Variants in GLYR1 observed in about 807,000 individuals in gnomAD.
The protein encoded by GLYR1 is cytokine-like nuclear factor N-PAC.
A neutral mutation model predicts 72.7 loss-of-function variants in GLYR1; 21 were observed. The ratio of observed to expected loss-of-function variants is 0.29; its 90% CI spans 0.20 to 0.42. The LOEUF (loss-of-function observed/expected upper bound fraction) is 0.42. GLYR1 is among the 10% of genes least tolerant of loss of function. The pLI is 1.00. For missense variants in GLYR1, 594 were observed against 712.1 expected (o/e 0.83, Z 1.89); for synonymous variants, 392 against 270.2 (o/e 1.45, Z -4.42).
intron 15 of GLYR1, among the ~76,000 whole-genome samples, chr16:4,806,083 G>A (rs1351182424): frequency 2.0e-5 from 3 of 152,238 alleles, no homozygotes; most frequent in East Asian, 1.9e-4. Flanking sequence ...CTCAGAGTGA[G>A]AGTTCTCACA....
intron 15 of GLYR1, among the ~76,000 whole-genome samples, chr16:4,809,701 A>G (rs2083216211): frequency 6.6e-6 from 1 of 151,692 alleles, no homozygotes. Context: ...AGGTGGACGG[A>G]TCACCTGAGG....
Position 4,805,085 on chromosome 16 carries a change from TG to T in GLYR1, c.*150del. On this transcript the variant is annotated 3_prime_UTR_variant, in exon 16 of 16. Coordinates refer to ENST00000321919, the MANE Select transcript of GLYR1 (RefSeq NM_032569.4). ...CGGCCTCAGGGGAAGGGTGCTGCTG[TG>T]TGCTGTGCTGATGGCAAGTCTCAAA... 1.5e-6 allele frequency: 1 copy of T among 681,760 alleles called. No individual in the cohort carries two copies. The highest frequency in any genetic ancestry group is 1.6e-5 in the South Asian group (1 of 61,340). The allele number at this position is 681,760 out of a possible 1,614,324, so 42.2% of individuals were successfully genotyped here. A position where few individuals can be genotyped will look rare whatever the true frequency, so the allele number is the denominator to read the frequency against.
At chr16:4,807,432 G>A (rs1330391905) in intron 15 of GLYR1, among the ~76,000 whole-genome samples, 1 of 152,010 alleles carries the variant, frequency 6.6e-6, no homozygotes, top group African/African-American at 2.4e-5. Context: ...ATTCTAAAAA[G>A]AAAGTAAGAA....
At position 4,845,662 on chromosome 16, in the gene GLYR1, C is replaced by T. The variant is rs571301384; in HGVS notation, c.76-509G>A. On this transcript the variant is annotated intron_variant, in intron 2 of 15. Coordinates refer to ENST00000321919, the MANE Select transcript of GLYR1 (RefSeq NM_032569.4). The stretch of plus-strand genomic sequence containing the variant: ...AAAGAGACCATCTAAAGACACCTCC[C>T]GGGCTCCAAGCAAGAATATAAAAAC... Among the ~76,000 whole-genome samples, 199 of 152,200 alleles carry T rather than the reference C, an allele frequency of 1.3e-3. 8 individuals carry two copies. In the South Asian group the frequency reaches 0.039, roughly 30 times the overall value.
intron 5 of GLYR1, among the ~76,000 whole-genome samples, chr16:4,828,543 C>G (rs1466665823): frequency 6.6e-6 from 1 of 152,044 alleles, no homozygotes; most frequent in African/African-American, 2.4e-5. Context: ...ATTAATAATT[C>G]AGACCCAAGG....
rs751971693 is a variant in GLYR1 at position 4,821,367 on chromosome 16, T to C, written c.806+13A>G. On this transcript the variant is annotated intron_variant, in intron 9 of 15. Coordinates refer to ENST00000321919, the MANE Select transcript of GLYR1 (RefSeq NM_032569.4). ...ACCAGAGCCACTGGAGGCCTTTTCA[T>C]CAAAGGTCCTACTTTTTGTCTGTGG... is the stretch of plus-strand genomic sequence containing the variant. 1.2e-6 allele frequency: 2 copies of C among 1,612,438 alleles called. No homozygotes were observed. Among genetic ancestry groups the C allele is most frequent in the East Asian group, 4.5e-5 (2 of 44,884 alleles).
In GLYR1 at chr16:4,827,250, G is replaced by A. The variant is rs143913906; in HGVS notation, c.538-3343C>T. Among the ~76,000 whole-genome samples the A allele has an allele frequency of 3.5e-4, 53 of 152,324 alleles. No individual in the cohort carries two copies. In the East Asian group the frequency reaches 9.8e-3, roughly 28 times the overall value. On this transcript the variant is annotated intron_variant, in intron 5 of 15. Coordinates refer to ENST00000321919, the MANE Select transcript of GLYR1 (RefSeq NM_032569.4). Reference sequence around the variant, plus strand: ...TGCTCAGTGTTTCTGAGAGGAGCTCGCCAGCCAAATGACAATTACTATAGC... The same window carrying A: ...TGCTCAGTGTTTCTGAGAGGAGCTCACCAGCCAAATGACAATTACTATAGC...
intron 4 of GLYR1, 102 bp from the exon 5 acceptor site, chr16:4,832,323 G>C: frequency 2.8e-6 from 4 of 1,407,366 alleles, no homozygotes; most frequent in Non-Finnish European, 2.0e-6. Flanking sequence ...ACTCTGTGTG[G>C]TCTCCTCACA....
chr16:4,833,446 A>G (rs1055537189), intron 3 of GLYR1, among the ~76,000 whole-genome samples: 4 of 152,174 alleles, frequency 2.6e-5, no homozygotes, highest in African/African-American at 9.7e-5. Context: ...GATGTTACAG[A>G]GCTGAAGAAA....
intron 9 of GLYR1, chr16:4,817,921 T>C (rs2083752771): frequency 2.0e-6 from 1 of 511,878 alleles, no homozygotes; most frequent in Non-Finnish European, 3.5e-6. Context: ...ACAGGCATTT[T>C]GAAACCCCTG....
Position 4,832,921 on chromosome 16 carries a change from A to T in GLYR1, c.156-9T>A. The T allele has an allele frequency of 6.2e-7, 1 of 1,607,490 alleles. No individual in the cohort carries two copies. On this transcript the variant is annotated splice_polypyrimidine_tract_variant and intron_variant, in intron 3 of 15. Coordinates refer to ENST00000321919, the MANE Select transcript of GLYR1 (RefSeq NM_032569.4). Reference sequence around the variant, plus strand: ...CCACTTTGATCCAGGCACTAGCAGAAAACAAACACAAAAAGGGTGTGAACC... The same window carrying T: ...CCACTTTGATCCAGGCACTAGCAGATAACAAACACAAAAAGGGTGTGAACC...
intron 10 of GLYR1, 62 bp downstream of exon 10, chr16:4,817,536 G>A (rs1013398041): frequency 1.0e-6 from 1 of 958,716 alleles, no homozygotes; most frequent in Non-Finnish European, 1.7e-6. Context: ...AGGGGGAGAT[G>A]TCCACTCTTA....
At chr16:4,841,290 A>G (rs559175011) in intron 3 of GLYR1, among the ~76,000 whole-genome samples, 1 of 152,044 alleles carries the variant, frequency 6.6e-6, no homozygotes, top group African/African-American at 2.4e-5. Flanking sequence ...GTTATAAACA[A>G]GGATCACAGT....
intron 3 of GLYR1, among the ~76,000 whole-genome samples, chr16:4,837,929 CAAAA>C (rs1260379760): frequency 0.03 from 3,978 of 133,446 alleles, 170 homozygotes; most frequent in African/African-American, 0.11. Context: ...GACTCCATCT[CAAAA>C]AATAAATAAA....
chr16:4,838,112 A>C (rs1231430440), intron 3 of GLYR1, among the ~76,000 whole-genome samples: 1 of 152,178 alleles, frequency 6.6e-6, no homozygotes, highest in Non-Finnish European at 1.5e-5. Context: ...AAAGGGGCTG[A>C]AGATTACTGA....
chr16:4,814,607 G>T lies in GLYR1; in HGVS notation c.947C>A (p.Thr316Asn), dbSNP rs759620955. ...FIQEGARLGR[T>N]PAEVVSTCDI... ...GCAGGTTGAGACGACTTCAGCGGGG[G>T]TTCTTCCCAGACGGGCCCCCTCCTG... The change falls in exon 11 of 16, where the codon ACC becomes AAC. Residue 316 changes from threonine (T) to asparagine (N), a missense_variant. By Grantham distance (65) the Thr-to-Asn change is moderately conservative (BLOSUM62 0). Coordinates refer to ENST00000321919, the MANE Select transcript of GLYR1 (RefSeq NM_032569.4). 2 of 1,614,138 alleles carry T rather than the reference G, an allele frequency of 1.2e-6. No individual in the cohort carries two copies. Among genetic ancestry groups the T allele is most frequent in the South Asian group, 1.1e-5 (1 of 91,084 alleles).
Position 4,842,582 on chromosome 16 carries a change from G to A in GLYR1, c.155+2492C>T, listed in dbSNP as rs548811707. Among the ~76,000 whole-genome samples, 9 of 152,082 alleles carry A rather than the reference G, an allele frequency of 5.9e-5. No homozygotes were observed. The South Asian group carries it at 8.3e-4, about 14-fold the overall frequency. On this transcript the variant is annotated intron_variant, in intron 3 of 15. Coordinates refer to ENST00000321919, the MANE Select transcript of GLYR1 (RefSeq NM_032569.4). ...TGCTATGTTGTCCAGGCTGGTCTCC[G>A]GCTCCTGGGCTCAAGCAATCCTCCT...
intron 9 of GLYR1, among the ~76,000 whole-genome samples, chr16:4,818,859 C>G (rs1269402908): frequency 6.6e-6 from 1 of 152,162 alleles, no homozygotes; most frequent in Non-Finnish European, 1.5e-5. Flanking sequence ...TTCCCCCAAA[C>G]CTCTCACTGT....
intron 15 of GLYR1, among the ~76,000 whole-genome samples, chr16:4,810,109 C>T (rs922035672): frequency 7.2e-5 from 11 of 151,814 alleles, no homozygotes; most frequent in African/African-American, 2.4e-4. Context: ...CAAATTAACA[C>T]GGATTAGTGG....
Sources: gnomAD v4.1 joint callset for allele counts (sites outside exome capture counted in the v4.1 genomes callset) on GRCh38, gnomAD v4.1.1 for gene constraint, MANE v1.5 for transcripts, NCBI Gene and HGNC (gene_info 2026-07-23, HGNC 2026-07-21) for gene names.